Variants in ZNF138 observed in about 807,000 individuals in gnomAD.
ZNF138 encodes zinc finger protein 138 (clone pHZ-32).
In ZNF138, 33 loss-of-function variants were observed where a neutral mutation model predicts 33.0. The ratio of observed to expected loss-of-function variants is 1.00; its 90% CI spans 0.76 to 1.34. The LOEUF (loss-of-function observed/expected upper bound fraction) is 1.34. ZNF138 is among the 40% of genes most tolerant of loss of function. The pLI is 0.00. For synonymous variants in ZNF138, 139 were observed against 120.4 expected, an observed-to-expected ratio of 1.15 and a Z score of -1.01; for missense variants, 360 against 370.8, an observed-to-expected ratio of 0.97 and a Z score of 0.24.
chr7:64,843,826 T>A, the ZNF138 span, among the ~76,000 whole-genome samples: 2 of 119,082 alleles, frequency 1.7e-5, no homozygotes, highest in Admixed American at 9.3e-5. Flanking sequence ...TAGTTTATTT[T>A]TTTTATTTTT....
the ZNF138 span, chr7:64,853,191 A>C: frequency 6.3e-7 from 1 of 1,596,168 alleles, no homozygotes; most frequent in African/African-American, 1.3e-5. Context: ...GGCTCCCAGA[A>C]ACTGCTCATC....
chr7:64,855,220 A>G, the ZNF138 span, among the ~76,000 whole-genome samples: 4 of 152,210 alleles, frequency 2.6e-5, no homozygotes, highest in Non-Finnish European at 4.4e-5. Context: ...AGAATTGAGA[A>G]TGCTGTGTTC....
downstream of ZNF138, chr7:64,835,439 CATT>C (rs1790339353): frequency 2.0e-5 from 3 of 152,036 alleles, no homozygotes; most frequent in African/African-American, 2.4e-5. Flanking sequence ...GGGCAAAACA[CATT>C]ATTATACAGA....
Position 64,832,332 on chromosome 7 carries a change from A to G in ZNF138, c.*130A>G. The G allele has an allele frequency of 6.4e-7, 1 of 1,571,382 alleles. No homozygotes were observed. The highest frequency in any genetic ancestry group is 1.2e-5 in the South Asian group (1 of 83,566). On this transcript the variant is annotated 3_prime_UTR_variant, in exon 4 of 4. Coordinates refer to ENST00000307355, the MANE Select transcript of ZNF138 (RefSeq NM_001271639.2). ...AATTCATAGCGGAGAGAAACCCCACAAATGTGAAGAATGTGGCAGAGCTTT... is the reference window on the plus strand; with the variant it reads ...AATTCATAGCGGAGAGAAACCCCACGAATGTGAAGAATGTGGCAGAGCTTT...
chr7:64,853,408 T>C, the ZNF138 span: 2 of 964,690 alleles, frequency 2.1e-6, no homozygotes, highest in Non-Finnish European at 3.1e-6. Flanking sequence ...CCTCTGCGAG[T>C]TGGCTGGGTT....
At chr7:64,821,272 A>T (rs1789125447) in intron 3 of ZNF138, among the ~76,000 whole-genome samples, 1 of 150,116 alleles carries the variant, frequency 6.7e-6, no homozygotes, top group African/African-American at 2.5e-5. Flanking sequence ...TGTATTTTTA[A>T]TAGAGACGGA....
At chr7:64,815,998 A>C (rs1788599642) in intron 3 of ZNF138, among the ~76,000 whole-genome samples, 1 of 152,180 alleles carries the variant, frequency 6.6e-6, no homozygotes, top group African/African-American at 2.4e-5. Context: ...CTATATTTTA[A>C]GTTCTCTTTT....
intron 1 of ZNF138, among the ~76,000 whole-genome samples, chr7:64,812,000 C>T (rs1311163832): frequency 6.6e-6 from 1 of 152,004 alleles, no homozygotes; most frequent in East Asian, 1.9e-4. Context: ...GATTACATGG[C>T]CAATTTGCAG....
the ZNF138 span, among the ~76,000 whole-genome samples, chr7:64,853,925 C>A: frequency 1.0e-3 from 155 of 152,016 alleles, no homozygotes; most frequent in African/African-American, 3.3e-3. Flanking sequence ...ATCGTTTGAA[C>A]CCAGGAGGTG....
In ZNF138 at chr7:64,794,453, TCTGGC is replaced by T; in HGVS notation, c.-113_-109del. 1 of 1,354,332 alleles carries T rather than the reference TCTGGC, an allele frequency of 7.4e-7. No individual in the cohort carries two copies. Among genetic ancestry groups the T allele is most frequent in the South Asian group, 1.3e-5 (1 of 76,436 alleles). 83.9% of individuals were successfully genotyped at this position (1,354,332 alleles called of 1,614,324 possible). Reference sequence around the variant, plus strand: ...GTCTCGCTGCAGCGGGTGCTGCAGGTCTGGCCTTCACTTTTCTGCGTCCTCTTACT... The same window carrying T: ...GTCTCGCTGCAGCGGGTGCTGCAGGTCTTCACTTTTCTGCGTCCTCTTACT... On this transcript the variant is annotated 5_prime_UTR_variant, in exon 1 of 4. Transcript: ENST00000307355.
chr7:64,804,302 T>A (rs1787396360), intron 1 of ZNF138, among the ~76,000 whole-genome samples: 1 of 152,160 alleles, frequency 6.6e-6, no homozygotes, highest in Non-Finnish European at 1.5e-5. Context: ...TTCTGTTCCG[T>A]TCTAATTACC....
chr7:64,858,159 G>A, the ZNF138 span, among the ~76,000 whole-genome samples: 1 of 152,048 alleles, frequency 6.6e-6, no homozygotes, highest in Non-Finnish European at 1.5e-5. Context: ...TGCTTGTTTT[G>A]CTTAAAATAC....
rs1790148678 is a variant in ZNF138 at position 64,832,199 on chromosome 7, T to C, written c.957T>C (p.Ser319=). 3.1e-6 allele frequency: 5 copies of C among 1,603,986 alleles called. No individual in the cohort carries two copies. The African/African-American group carries it at 5.4e-5, about 17-fold the overall frequency. The stretch of plus-strand genomic sequence containing the variant: ...AATGTGGCAAAGCTTTTAACCTATC[T>C]TAACAACTTACTGAACATAAGAAAA... ...CEECGKAFNL[S] is the part of the protein sequence containing the mutation. Residue 319 remains serine, a synonymous_variant, in exon 4 of 4, where the codon TCT becomes TCC. Transcript: ENST00000307355.
At chr7:64,819,047 T>C (rs371944831) in intron 3 of ZNF138, among the ~76,000 whole-genome samples, 247 of 152,338 alleles carry the variant, frequency 1.6e-3, no homozygotes, top group African/African-American at 5.7e-3. Context: ...TGTAATTTTT[T>C]TGTTTTACTT....
At chr7:64,819,517 G>T (rs184626970) in intron 3 of ZNF138, among the ~76,000 whole-genome samples, 1 of 151,692 alleles carries the variant, frequency 6.6e-6, no homozygotes, top group Non-Finnish European at 1.5e-5. Flanking sequence ...ACAGGTGGCC[G>T]CCACCATGCC....
In ZNF138 at chr7:64,832,151, A is replaced by G. The variant is rs756089534; in HGVS notation, c.909A>G (p.Gly303=). ...TLTKHQIIYT[G]EEPYKCEECG... is the part of the protein sequence containing the mutation. ...CTAAACATCAGATAATTTATACTGG[A>G]GAGGAACCATACAAATGTGAGGAAT... The change falls in exon 4 of 4, where the codon GGA becomes GGG. Residue 303 remains glycine (G), a synonymous_variant. Transcript: ENST00000307355. The G allele has an allele frequency of 5.6e-6, 9 of 1,611,954 alleles. No individual in the cohort carries two copies. The Admixed American group carries it at 1.3e-4, about 24-fold the overall frequency.
intron 1 of ZNF138, among the ~76,000 whole-genome samples, chr7:64,807,934 A>G (rs1372889573): frequency 2.0e-5 from 3 of 152,216 alleles, no homozygotes; most frequent in Non-Finnish European, 4.4e-5. Context: ...ATACTGGAGT[A>G]GAGTATTCTT....
downstream of ZNF138, chr7:64,835,837 G>T (rs558640169): frequency 6.6e-6 from 1 of 152,148 alleles, no homozygotes; most frequent in African/African-American, 2.4e-5. Context: ...TCCTAGCCCT[G>T]ATGCCACTAA....
the ZNF138 span, among the ~76,000 whole-genome samples, chr7:64,845,821 A>C: frequency 2.0e-5 from 3 of 152,132 alleles, no homozygotes; most frequent in African/African-American, 7.2e-5. Flanking sequence ...TCTGGATCTT[A>C]GTCCTTTGTC....
Sources: allele counts gnomAD v4.1 joint callset (sites outside exome capture counted in the v4.1 genomes callset), GRCh38; gene constraint gnomAD v4.1.1; transcripts MANE v1.5; gene names NCBI Gene and HGNC (gene_info 2026-07-23, HGNC 2026-07-21).